The following PALD1 variants were observed in gnomAD, a reference collection of about 807,000 sequenced individuals.
PALD1 encodes paladin.
In PALD1, 57 loss-of-function variants were observed where a neutral mutation model predicts 96.0. The ratio of observed to expected loss-of-function variants is 0.59; its 90% CI spans 0.48 to 0.74. The LOEUF (loss-of-function observed/expected upper bound fraction) is 0.74, where lower values mean the gene tolerates loss of function less well. PALD1 is among the 30% of genes least tolerant of loss of function. PALD1 has a pLI of 0.00. For missense variants in PALD1, 1,063 were observed against 1,143.7 expected (o/e 0.93, Z 1.02); for synonymous variants, 464 against 473.6 (o/e 0.98, Z 0.26).
At chr10:70,465,804 GGAGGACAGC>G in the PALD1 span, among the ~76,000 whole-genome samples, 2 of 152,174 alleles carry the variant, frequency 1.3e-5, no homozygotes, top group Non-Finnish European at 2.9e-5. Flanking sequence ...TCCTCAGGAT[GGAGGACAGC>G]AGGGAGAAAG....
At chr10:70,522,230 C>A (rs1846753271) in intron 1 of PALD1, among the ~76,000 whole-genome samples, 1 of 152,118 alleles carries the variant, frequency 6.6e-6, no homozygotes, top group Admixed American at 6.5e-5. Context: ...ATTGCAAATC[C>A]CACTTTGCAA....
chr10:70,534,758 C>T lies in PALD1; in HGVS notation c.1142C>T (p.Ala381Val), dbSNP rs1353309141. 8 of 1,610,300 alleles carry T rather than the reference C, an allele frequency of 5.0e-6. No individual in the cohort carries two copies. Among genetic ancestry groups the T allele is most frequent in the Non-Finnish European group, 6.8e-6 (8 of 1,178,048 alleles). Residue 381 changes from alanine to valine, a missense_variant, in exon 10 of 20, where the codon GCC (alanine) becomes GTC (valine). Physicochemically the swap from Ala to Val is moderately conservative, Grantham distance 64. Coordinates refer to ENST00000263563, the MANE Select transcript of PALD1 (RefSeq NM_014431.3). ...MVEEVDRAIT[A>V]CAELHDLKEV... ...CACCAGGTGGACAGAGCCATCACTG[C>T]CTGTGCCGAGTTGCATGACCTGAAA...
At chr10:70,546,964 C>A (rs1847378326) in intron 17 of PALD1, among the ~76,000 whole-genome samples, 1 of 152,174 alleles carries the variant, frequency 6.6e-6, no homozygotes, top group African/African-American at 2.4e-5. Flanking sequence ...ACAACAACAA[C>A]AACAACAACA....
At chr10:70,477,917 A>T (rs547075888), upstream of PALD1, among the ~76,000 whole-genome samples, 1 of 151,996 alleles carries the variant, frequency 6.6e-6, no homozygotes, top group Non-Finnish European at 1.5e-5. Flanking sequence ...GCGAGGAAGC[A>T]CAGCGAAGAG....
rs1293766509 is a variant in PALD1 at position 70,566,601 on chromosome 10, C to T, written c.2439C>T (p.Ile813=). ...CCCAGGTGGCATCGAAGGCTGGCATCTACGAGATCCTTAACGAGCTGGGCT... is the reference window on the plus strand; with the variant it reads ...CCCAGGTGGCATCGAAGGCTGGCATTTACGAGATCCTTAACGAGCTGGGCT... ...WMQEVASKAG[I]YEILNELGFP... Residue 813 remains isoleucine, a synonymous_variant, in exon 20 of 20, where the codon ATC becomes ATT. Transcript: ENST00000263563. 2 of 1,610,914 alleles carry T rather than the reference C, an allele frequency of 1.2e-6. No homozygotes were observed. The highest frequency in any genetic ancestry group is 2.2e-5 in the South Asian group (2 of 90,212).
chr10:70,566,534 A>C (rs1164755498), intron 19 of PALD1, 47 bp from the exon 20 acceptor site: 8 of 1,495,802 alleles, frequency 5.3e-6, no homozygotes, highest in Non-Finnish European at 7.3e-6. Flanking sequence ...CCTTAGTGGC[A>C]CCCTCCCTCC....
chr10:70,527,905 T>C (rs79190739), intron 2 of PALD1, among the ~76,000 whole-genome samples: 2,728 of 152,242 alleles, frequency 0.018, 198 homozygotes, highest in East Asian at 0.12. Flanking sequence ...ACGTCAGGCA[T>C]ATCTCCCAAT....
rs915858485 is a variant in PALD1 at position 70,561,172 on chromosome 10, CGT to C, written c.2263-3189_2263-3188del. Among the ~76,000 whole-genome samples, 114 of 152,350 alleles carry C rather than the reference CGT, an allele frequency of 7.5e-4. 1 individual carries two copies. The highest frequency in any genetic ancestry group is 2.4e-3 in the African/African-American group (101 of 41,586). On this transcript the variant is annotated intron_variant, in intron 18 of 19. Coordinates refer to ENST00000263563, the MANE Select transcript of PALD1 (RefSeq NM_014431.3). ...ATCTTTCTCAGACCTAATCCTTACC[CGT>C]GTCTCTTGCAACAGGCAGCCTCCAT...
In PALD1 at chr10:70,566,350, G is replaced by A. The variant is rs143477211; in HGVS notation, c.2419-231G>A. Among the ~76,000 whole-genome samples the A allele has an allele frequency of 3.8e-4, 58 of 152,340 alleles. 1 individual carries two copies. Among genetic ancestry groups the A allele is most frequent in the African/African-American group, 1.3e-3 (52 of 41,580 alleles). ...CTGCTATCTGTGTGGAGCACTCACT[G>A]TCTGCCCAGTACTTTCTGTATGTGT... On this transcript the variant is annotated intron_variant, in intron 19 of 19. Transcript: ENST00000263563.
At chr10:70,520,629 G>T (rs913407850) in intron 1 of PALD1, among the ~76,000 whole-genome samples, 1 of 151,534 alleles carries the variant, frequency 6.6e-6, no homozygotes, top group African/African-American at 2.4e-5. Context: ...TTAAGGAAAT[G>T]AGGTGACCTC....
chr10:70,536,595 C>T (rs967657127), intron 10 of PALD1, among the ~76,000 whole-genome samples: 4 of 152,220 alleles, frequency 2.6e-5, no homozygotes, highest in African/African-American at 9.7e-5. Flanking sequence ...AAATGTGTTA[C>T]TGGAACACAG....
At chr10:70,525,220 C>T (rs1846831124) in intron 1 of PALD1, among the ~76,000 whole-genome samples, 1 of 151,378 alleles carries the variant, frequency 6.6e-6, no homozygotes, top group African/African-American at 2.4e-5. Flanking sequence ...CCATGTTGGC[C>T]AGGATGGTCT....
intron 1 of PALD1, among the ~76,000 whole-genome samples, chr10:70,513,293 G>A (rs928295946): frequency 5.3e-5 from 8 of 152,022 alleles, no homozygotes; most frequent in Admixed American, 2.6e-4. Context: ...TTAGGAGTTC[G>A]AGACCAGCCT....
intron 1 of PALD1, among the ~76,000 whole-genome samples, chr10:70,499,843 G>T (rs1846262304): frequency 6.6e-6 from 1 of 152,238 alleles, no homozygotes; most frequent in Admixed American, 6.5e-5. Flanking sequence ...TTTCTTTGCT[G>T]TGGGTTCTAG....
chr10:70,519,325 T>G (rs947579502), intron 1 of PALD1, among the ~76,000 whole-genome samples: 4 of 152,164 alleles, frequency 2.6e-5, no homozygotes, highest in Admixed American at 6.5e-5. Flanking sequence ...TTATGTTTCA[T>G]GGTTCTAGAG....
chr10:70,461,503 C>T, the PALD1 span, among the ~76,000 whole-genome samples: 1 of 152,272 alleles, frequency 6.6e-6, no homozygotes, highest in Admixed American at 6.5e-5. Context: ...AGTCAGCACC[C>T]AGGAAACACG....
chr10:70,504,352 C>G (rs1226119671), intron 1 of PALD1, among the ~76,000 whole-genome samples: 1 of 152,104 alleles, frequency 6.6e-6, no homozygotes, highest in African/African-American at 2.4e-5. Context: ...CATAGTGAAA[C>G]CCTGTCTCTA....
At chr10:70,458,608 G>A in the PALD1 span, among the ~76,000 whole-genome samples, 1 of 152,184 alleles carries the variant, frequency 6.6e-6, no homozygotes, top group African/African-American at 2.4e-5. Flanking sequence ...CGCCGCCAAG[G>A]GGGACCCGCC....
At chr10:70,541,365 GC>G (rs1847242408) in intron 16 of PALD1, 97 bp from the exon 17 acceptor site, 1 of 1,522,710 alleles carries the variant, frequency 6.6e-7, no homozygotes, top group Non-Finnish European at 9.1e-7. Flanking sequence ...TGGTCCCAGA[GC>G]CCCTTCCATC....
Sources: allele counts gnomAD v4.1 joint callset (sites outside exome capture counted in the v4.1 genomes callset), GRCh38; gene constraint gnomAD v4.1.1; transcripts MANE v1.5; gene names NCBI Gene and HGNC (gene_info 2026-07-23, HGNC 2026-07-21).